ADGRL1: variants seen among roughly 807,000 people sequenced by gnomAD.
The protein encoded by ADGRL1 is CIRL-1.
A neutral mutation model predicts 148.9 loss-of-function variants in ADGRL1; 31 were observed. That is an observed-to-expected ratio of 0.21 (90% CI 0.16 to 0.28). The LOEUF (loss-of-function observed/expected upper bound fraction) is 0.28. Among genes scored for constraint, ADGRL1 ranks in the 10% least tolerant of loss-of-function variants. The pLI, the probability that ADGRL1 is intolerant of heterozygous loss-of-function variation, is 1.00. For synonymous variants in ADGRL1, 937 were observed against 900.3 expected, an observed-to-expected ratio of 1.04 and a Z score of -0.73; for missense variants, 1,521 against 2,058.8, an observed-to-expected ratio of 0.74 and a Z score of 5.05.
In ADGRL1 at chr19:14,158,557, T is replaced by G; in HGVS notation, c.2150-5A>C. The G allele has an allele frequency of 6.2e-7, 1 of 1,612,012 alleles. No individual in the cohort carries two copies. The highest frequency in any genetic ancestry group is 2.2e-5 in the East Asian group (1 of 44,876). On this transcript the variant is annotated splice_polypyrimidine_tract_variant and splice_region_variant and intron_variant, in intron 11 of 22. Transcript: ENST00000361434. ...TGAAGACAACTTTGACCACCCCTGGTGAGAACAGGCACGTTTGGATGTGTC... is the reference window on the plus strand; with the variant it reads ...TGAAGACAACTTTGACCACCCCTGGGGAGAACAGGCACGTTTGGATGTGTC...
Position 14,152,893 on chromosome 19 carries a change from T to C in ADGRL1, c.3314A>G (p.Lys1105Arg). ...GCAGCAGTAGGAGTGACGCAGGCAC[T>C]TGCTGTACTCCTTGTGCACCTGGGA... is the stretch of plus-strand genomic sequence containing the variant. ...LQKKVHKEYS[K>R]CLRHSYCCIR... The change falls in exon 19 of 23, where the codon AAG (lysine) becomes AGG (arginine). Residue 1105 changes from lysine (K) to arginine (R), a missense_variant. This residue lies in a region of ADGRL1 where 185 missense variants were observed against 251.7 expected (regional missense o/e 0.74). Coordinates refer to ENST00000361434, the MANE Select transcript of ADGRL1 (RefSeq NM_014921.5). This position sits in a 1 kb window ranked among gnomAD's most constrained non-coding sequence, Gnocchi z 6.1. 6.2e-7 allele frequency: 1 copy of C among 1,614,082 alleles called. No individual in the cohort carries two copies. Among genetic ancestry groups the C allele is most frequent in the South Asian group, 1.1e-5 (1 of 91,080 alleles).
Position 14,150,874 on chromosome 19 carries a change from C to T in ADGRL1, c.4409G>A (p.Ter1470=). ...DGQMQLVTSL[*] ...CAGCCCCTGGTCCATGAGGTGCCCT[C>T]AGAGACTGGTGACCAGCTGCATCTG... The change falls in exon 23 of 23, where the codon TGA becomes TAA. Residue 1470 remains the stop codon, a stop_retained_variant. Coordinates refer to ENST00000361434, the MANE Select transcript of ADGRL1 (RefSeq NM_014921.5). 6.2e-7 allele frequency: 1 copy of T among 1,611,786 alleles called. No individual in the cohort carries two copies. The highest frequency in any genetic ancestry group is 2.2e-5 in the East Asian group (1 of 44,874).
chr19:14,150,206 C>T lies in ADGRL1; in HGVS notation c.*667G>A, dbSNP rs1055672206. 2.6e-5 allele frequency: 4 copies of T among 152,780 alleles called. No homozygotes were observed. The highest frequency in any genetic ancestry group is 5.9e-5 in the Non-Finnish European group (4 of 68,144). 9.5% of individuals were successfully genotyped at this position (152,780 alleles called of 1,614,324 possible). A position where few individuals can be genotyped will look rare whatever the true frequency, so the allele number is the denominator to read the frequency against. ...CCAAGGGAGGGGGTCATTGGGTGCA[C>T]TGGGAGGCAGAGGGGGCAGGTTTGC... On this transcript the variant is annotated 3_prime_UTR_variant, in exon 23 of 23. Transcript: ENST00000361434.
intron 1 of ADGRL1, among the ~76,000 whole-genome samples, chr19:14,202,322 G>A (rs1186577857): frequency 2.0e-5 from 3 of 151,662 alleles, no homozygotes; most frequent in Non-Finnish European, 4.4e-5. Context: ...GCACAATCTC[G>A]GCTCGCTGCA....
chr19:14,173,943 C>CAAAAA (rs774211423), intron 3 of ADGRL1, among the ~76,000 whole-genome samples: 11 of 32,966 alleles, frequency 3.3e-4, no homozygotes, highest in African/African-American at 1.2e-3. Context: ...GACTCCGTCT[C>CAAAAA]AAAAAAAAAA....
At chr19:14,200,749 C>A (rs571228700) in intron 1 of ADGRL1, among the ~76,000 whole-genome samples, 1 of 151,738 alleles carries the variant, frequency 6.6e-6, no homozygotes, top group Non-Finnish European at 1.5e-5. Flanking sequence ...GTAGCTGGGA[C>A]GACAGGCGTG....
At chr19:14,166,576 G>A (rs1599437446) in intron 4 of ADGRL1, among the ~76,000 whole-genome samples, 1 of 148,804 alleles carries the variant, frequency 6.7e-6, no homozygotes, top group South Asian at 2.1e-4. Flanking sequence ...GAGAGAGAGA[G>A]AGAGAAAGAG....
At chr19:14,165,684 G>C (rs1252704545) in intron 4 of ADGRL1, among the ~76,000 whole-genome samples, 2 of 151,592 alleles carry the variant, frequency 1.3e-5, no homozygotes, top group East Asian at 2.0e-4. Context: ...GAGGGAGAGA[G>C]ACTCCAGGAG....
chr19:14,201,083 T>C (rs2145176940), intron 1 of ADGRL1, among the ~76,000 whole-genome samples: 2 of 152,114 alleles, frequency 1.3e-5, no homozygotes, highest in South Asian at 4.2e-4. Context: ...GAGCATCCTA[T>C]AGTACAGAGG....
At chr19:14,194,094 A>T (rs77614363) in intron 1 of ADGRL1, among the ~76,000 whole-genome samples, 26 of 152,206 alleles carry the variant, frequency 1.7e-4, no homozygotes, top group Non-Finnish European at 3.4e-4. Flanking sequence ...AATATAAAAA[A>T]GTAGCTGGGC....
intron 3 of ADGRL1, among the ~76,000 whole-genome samples, chr19:14,173,695 C>T (rs1970626921): frequency 6.6e-6 from 1 of 152,088 alleles, no homozygotes; most frequent in Non-Finnish European, 1.5e-5. Context: ...GGCTATAATC[C>T]CAGCACTTTG....
In ADGRL1 at chr19:14,159,047, G is replaced by GTGGGGC. The variant is rs771967548; in HGVS notation, c.2149+37_2149+42dup. ...GCTGGCACAGAGCTGGGGGGTGGGG[G>GTGGGGC]TGGGGCTGCTTCCCCACCCGAGGCC... On this transcript the variant is annotated intron_variant, in intron 11 of 22. Coordinates refer to ENST00000361434, the MANE Select transcript of ADGRL1 (RefSeq NM_014921.5). This position sits in a 1 kb window ranked among gnomAD's most constrained non-coding sequence, Gnocchi z 6.0. 1.9e-6 allele frequency: 3 copies of GTGGGGC among 1,609,392 alleles called. No homozygotes were observed. The highest frequency in any genetic ancestry group is 2.5e-6 in the Non-Finnish European group (3 of 1,178,446).
At chr19:14,202,106 T>C (rs1385337740) in intron 1 of ADGRL1, among the ~76,000 whole-genome samples, 3 of 152,002 alleles carry the variant, frequency 2.0e-5, no homozygotes, top group Non-Finnish European at 4.4e-5. Context: ...AGGGAGGAGA[T>C]GGCCCAGAAA....
chr19:14,163,522 C>T (rs544735555), intron 4 of ADGRL1, 116 bp from the exon 5 acceptor site: 10 of 781,032 alleles, frequency 1.3e-5, no homozygotes, highest in Middle Eastern at 3.8e-4. Context: ...AAGTTGGTCA[C>T]GCTGCTGGTG....
chr19:14,193,568 G>A (rs1302061546), intron 1 of ADGRL1, among the ~76,000 whole-genome samples: 2 of 151,906 alleles, frequency 1.3e-5, no homozygotes, highest in Non-Finnish European at 2.9e-5. Flanking sequence ...GCCTGGGCAA[G>A]AGAGTGGGAC....
intron 18 of ADGRL1, among the ~76,000 whole-genome samples, chr19:14,154,780 A>G (rs1339310599): frequency 6.6e-6 from 1 of 150,490 alleles, no homozygotes; most frequent in Non-Finnish European, 1.5e-5. Flanking sequence ...ACACCAGGCT[A>G]ATTTTTATAT....
chr19:14,157,047 C>T lies in ADGRL1; in HGVS notation c.2844G>A (p.Val948=), dbSNP rs549625211. ...GGGAATACTCGCTCTCAAACACCTC[C>T]ACTAGTAGCAGGTAGAGGTGCACGC... ...LEGVHLYLLL[V]EVFESEYSRT... is the part of the protein sequence containing the mutation. The change falls in exon 15 of 23, where the codon GTG becomes GTA. Residue 948 remains valine, a synonymous_variant. Coordinates refer to ENST00000361434, the MANE Select transcript of ADGRL1 (RefSeq NM_014921.5). The surrounding 1 kb of genome is among the most constrained non-coding windows in gnomAD (Gnocchi z 7.5). The T allele has an allele frequency of 2.4e-5, 39 of 1,613,886 alleles. No homozygotes were observed. The highest frequency in any genetic ancestry group is 3.2e-5 in the Non-Finnish European group (38 of 1,179,942).
chr19:14,158,949 A>G lies in ADGRL1; in HGVS notation c.2149+141T>C, dbSNP rs542321009. On this transcript the variant is annotated intron_variant, in intron 11 of 22. Transcript: ENST00000361434. ...AGGGCTCTGCAGCACTTCAGGGCCC[A>G]TGAATCCCCTCAAATTTTACACTAG... 19 of 1,077,652 alleles carry G rather than the reference A, an allele frequency of 1.8e-5. No individual in the cohort carries two copies. In the East Asian group the frequency reaches 4.5e-4, roughly 25 times the overall value. The allele number at this position is 1,077,652 out of a possible 1,614,324, so 66.8% of individuals were successfully genotyped here.
In ADGRL1 at chr19:14,161,271, A is replaced by G. The variant is rs2144729257; in HGVS notation, c.1510+41T>C. 1.3e-6 allele frequency: 2 copies of G among 1,488,032 alleles called. No homozygotes were observed. Among genetic ancestry groups the G allele is most frequent in the Non-Finnish European group, 1.8e-6 (2 of 1,118,478 alleles). 92.2% of individuals were successfully genotyped at this position (1,488,032 alleles called of 1,614,324 possible). The stretch of plus-strand genomic sequence containing the variant: ...GCATCTGTGCTAAGCTGCTGGGGGC[A>G]TGGCCCCCATCCCTCCCCTGGCTGC... On this transcript the variant is annotated intron_variant, in intron 6 of 22. Transcript: ENST00000361434. This position sits in a 1 kb window ranked among gnomAD's most constrained non-coding sequence, Gnocchi z 4.4.
Sources: gnomAD v4.1 joint callset for allele counts (sites outside exome capture counted in the v4.1 genomes callset) on GRCh38, gnomAD v4.1.1 for gene constraint, gnomAD v4.1.1 regional missense constraint, Gnocchi (gnomAD v3.1) non-coding constraint, MANE v1.5 for transcripts, NCBI Gene and HGNC (gene_info 2026-07-23, HGNC 2026-07-21) for gene names.